FUT8: variants seen among roughly 807,000 people sequenced by gnomAD.
The protein encoded by FUT8 is fucosyltransferase 8, also known as alpha-(1,6)-fucosyltransferase.
In FUT8, 29 loss-of-function variants were observed where a neutral mutation model predicts 71.3. That is an observed-to-expected ratio of 0.41 (90% CI 0.30 to 0.55). FUT8 has a LOEUF of 0.55. Among genes scored for constraint, FUT8 ranks in the 20% least tolerant of loss-of-function variants. FUT8 has a pLI of 0.34. For missense variants in FUT8, 544 were observed against 702.1 expected (o/e 0.77, Z 2.55); for synonymous variants, 254 against 239.3 (o/e 1.06, Z -0.57).
At chr14:65,388,626 A>C in the FUT8 span, among the ~76,000 whole-genome samples, 237 of 152,150 alleles carry the variant, frequency 1.6e-3, no homozygotes, top group Admixed American at 3.7e-3. Context: ...GCCGGGCGTG[A>C]TGGTGTGCAC....
At chr14:65,636,545 G>T (rs7148401) in intron 6 of FUT8, 1 of 152,084 alleles carries the variant, frequency 6.6e-6, no homozygotes, top group South Asian at 2.1e-4. Flanking sequence ...AGGATTTGTC[G>T]TTACTGTCAT....
chr14:65,591,191 A>G (rs1887666497), intron 3 of FUT8, among the ~76,000 whole-genome samples: 1 of 152,164 alleles, frequency 6.6e-6, no homozygotes, highest in Non-Finnish European at 1.5e-5. Flanking sequence ...AGTTAGTTTA[A>G]AATTTTTCCA....
chr14:65,705,041 A>G (rs1275263199), intron 7 of FUT8, among the ~76,000 whole-genome samples: 2 of 152,222 alleles, frequency 1.3e-5, no homozygotes, highest in Non-Finnish European at 2.9e-5. Flanking sequence ...ATTCTTAAGA[A>G]TGTTGCTAAC....
chr14:65,720,719 C>G (rs957716867), intron 7 of FUT8, among the ~76,000 whole-genome samples: 5 of 152,156 alleles, frequency 3.3e-5, no homozygotes, highest in Non-Finnish European at 7.4e-5. Flanking sequence ...CCTAGACTGC[C>G]TTTCAAGTTC....
chr14:65,588,497 C>G (rs557295670), intron 3 of FUT8, among the ~76,000 whole-genome samples: 4 of 152,300 alleles, frequency 2.6e-5, no homozygotes, highest in African/African-American at 9.6e-5. Context: ...ATGAATCTGA[C>G]ATTTCCAGAT....
At position 65,730,608 on chromosome 14, in the gene FUT8, G is replaced by A. The variant is rs568242144; in HGVS notation, c.1260-2623G>A. ...GATGATGTGAACCCGGGAGGCGGAG[G>A]TTGCAGTGAGCCAAGATCGCACCAC... On this transcript the variant is annotated intron_variant, in intron 9 of 10. Coordinates refer to ENST00000673929, the MANE Select transcript of FUT8 (RefSeq NM_001371533.1). 3.9e-5 allele frequency among the ~76,000 whole-genome samples: 6 copies of A among 152,196 alleles called. No homozygotes were observed. The South Asian group carries it at 1.2e-3, about 32-fold the overall frequency.
At chr14:65,465,074 G>C (rs924357304) in intron 2 of FUT8, among the ~76,000 whole-genome samples, 1 of 152,024 alleles carries the variant, frequency 6.6e-6, no homozygotes, top group African/African-American at 2.4e-5. Flanking sequence ...TTAAGGGATT[G>C]GTCCATTTCA....
intron 5 of FUT8, among the ~76,000 whole-genome samples, chr14:65,625,985 G>T (rs1257526561): frequency 6.6e-6 from 1 of 152,124 alleles, no homozygotes; most frequent in African/African-American, 2.4e-5. Flanking sequence ...GCAAATCACA[G>T]TTGTTGAGGG....
In FUT8 at chr14:65,616,215, G is replaced by A; in HGVS notation, c.324G>A (p.Leu108=). Residue 108 remains leucine (L), a synonymous_variant, in exon 5 of 11, where the codon CTG becomes CTA. Transcript: ENST00000673929. ...ENYKKQTRNG[L]GKDHEILRRR... is the part of the protein sequence containing the mutation. Reference sequence around the variant, plus strand: ...CTCTCTATTCTTTGACTACAGGTCTGGGGAAGGATCATGAAATCCTGAGGA... The same window carrying A: ...CTCTCTATTCTTTGACTACAGGTCTAGGGAAGGATCATGAAATCCTGAGGA... 6.2e-7 allele frequency: 1 copy of A among 1,605,238 alleles called. No homozygotes were observed. The highest frequency in any genetic ancestry group is 8.5e-7 in the Non-Finnish European group (1 of 1,176,388).
At chr14:65,580,180 AC>A (rs995733031) in intron 3 of FUT8, among the ~76,000 whole-genome samples, 2 of 151,130 alleles carry the variant, frequency 1.3e-5, no homozygotes, top group Non-Finnish European at 3.0e-5. Flanking sequence ...GAGTATACTT[AC>A]ATCATAGAGT....
intron 1 of FUT8, among the ~76,000 whole-genome samples, chr14:65,427,960 A>G (rs2065414966): frequency 6.6e-6 from 1 of 152,172 alleles, no homozygotes; most frequent in Middle Eastern, 3.4e-3. Context: ...TCCTCCTTTC[A>G]TTTAGCATGA....
upstream of FUT8, among the ~76,000 whole-genome samples, chr14:65,409,714 A>G (rs1466691118): frequency 6.6e-6 from 1 of 152,154 alleles, no homozygotes; most frequent in Non-Finnish European, 1.5e-5. The surrounding 1 kb of genome is among the most constrained non-coding windows in gnomAD (Gnocchi z 5.4). Context: ...TTGCCCCGGG[A>G]CACCCGAGTC....
chr14:65,590,684 C>G (rs569744060), intron 3 of FUT8, among the ~76,000 whole-genome samples: 1 of 152,162 alleles, frequency 6.6e-6, no homozygotes, highest in African/African-American at 2.4e-5. Flanking sequence ...TTCTAAAACA[C>G]TACCACATAA....
At chr14:65,543,955 C>T (rs1446217476) in intron 2 of FUT8, among the ~76,000 whole-genome samples, 1 of 152,148 alleles carries the variant, frequency 6.6e-6, no homozygotes, top group Non-Finnish European at 1.5e-5. Context: ...TTCACAGTTT[C>T]ATTGAACCCC....
intron 7 of FUT8, among the ~76,000 whole-genome samples, chr14:65,699,453 A>G (rs765738570): frequency 2.6e-5 from 4 of 152,182 alleles, no homozygotes; most frequent in Admixed American, 6.5e-5. Flanking sequence ...TGCTCAGCAC[A>G]TGGTCTTAGT....
At chr14:65,702,232 C>T (rs1008564249) in intron 7 of FUT8, among the ~76,000 whole-genome samples, 3 of 151,936 alleles carry the variant, frequency 2.0e-5, no homozygotes, top group African/African-American at 7.2e-5. Context: ...GTAATCCCAG[C>T]TACTCAGGAG....
intron 6 of FUT8, among the ~76,000 whole-genome samples, chr14:65,644,322 A>T (rs1566871501): frequency 6.6e-6 from 1 of 151,556 alleles, no homozygotes; most frequent in Admixed American, 6.6e-5. Flanking sequence ...ACGGAGTCTC[A>T]CTCTGTCACC....
intron 1 of FUT8, among the ~76,000 whole-genome samples, chr14:65,423,579 T>C (rs1322305492): frequency 6.6e-6 from 1 of 152,198 alleles, no homozygotes; most frequent in Non-Finnish European, 1.5e-5. Context: ...ATGATTTTCT[T>C]AATGTCATCT....
intron 7 of FUT8, among the ~76,000 whole-genome samples, chr14:65,699,857 T>C (rs1894194950): frequency 2.0e-5 from 3 of 152,196 alleles, no homozygotes; most frequent in Admixed American, 2.0e-4. Flanking sequence ...ATACGCAAGT[T>C]ACGTTCCATG....
Sources: allele counts gnomAD v4.1 joint callset (sites outside exome capture counted in the v4.1 genomes callset), GRCh38; gene constraint gnomAD v4.1.1; non-coding constraint Gnocchi (gnomAD v3.1); transcripts MANE v1.5; gene names NCBI Gene and HGNC (gene_info 2026-07-23, HGNC 2026-07-21).